IL1RAPL2: variants seen among roughly 807,000 people sequenced by gnomAD.
The protein encoded by IL1RAPL2 is interleukin 1 receptor accessory protein like 2.
Under a neutral mutation model 44.1 loss-of-function variants are expected in IL1RAPL2, and 3 were observed. The ratio of observed to expected loss-of-function variants is 0.07; its 90% CI spans 0.03 to 0.18. The LOEUF (loss-of-function observed/expected upper bound fraction) is 0.18. Among genes scored for constraint, IL1RAPL2 ranks in the 10% least tolerant of loss-of-function variants. IL1RAPL2 has a pLI of 1.00. For missense variants in IL1RAPL2, 391 were observed against 496.4 expected (o/e 0.79, Z 2.02); for synonymous variants, 181 against 178.8 (o/e 1.01, Z -0.10).
intron 2 of IL1RAPL2, among the ~76,000 whole-genome samples, chrX:105,090,839 G>A (rs968822399): frequency 1.8e-5 from 2 of 111,420 alleles, no homozygotes; most frequent in African/African-American, 3.3e-5. Flanking sequence ...TACACTCTGG[G>A]GTCTTATTGG....
intron 2 of IL1RAPL2, among the ~76,000 whole-genome samples, chrX:104,779,188 TG>T (rs1222353023): frequency 8.9e-6 from 1 of 112,278 alleles, no homozygotes; most frequent in Admixed American, 9.4e-5. Flanking sequence ...TAGATAGAAA[TG>T]TGTTTTTTGA....
chrX:105,299,296 G>C (rs1310076488), intron 5 of IL1RAPL2, among the ~76,000 whole-genome samples: 2 of 111,801 alleles, frequency 1.8e-5, no homozygotes, highest in Admixed American at 9.5e-5. Flanking sequence ...GATGCACACA[G>C]CAAGTCAGTA....
At chrX:105,569,879 A>G (rs917366539) in intron 6 of IL1RAPL2, among the ~76,000 whole-genome samples, 4 of 111,690 alleles carry the variant, frequency 3.6e-5, no homozygotes, top group Admixed American at 1.9e-4. Flanking sequence ...GCACAGCCAC[A>G]TTAGTAATAC....
intron 1 of IL1RAPL2, among the ~76,000 whole-genome samples, chrX:104,613,922 G>C (rs1386623065): frequency 1.9e-5 from 2 of 108,061 alleles, no homozygotes; most frequent in Admixed American, 1.0e-4. Flanking sequence ...AATCTTGGGA[G>C]AGTGTGTGTT....
chrX:105,338,101 T>G (rs775186555), intron 5 of IL1RAPL2, among the ~76,000 whole-genome samples: 5 of 112,209 alleles, frequency 4.5e-5, no homozygotes, highest in Non-Finnish European at 9.4e-5. Context: ...TGCCTTCCTA[T>G]TATTTGCTTC....
At chrX:105,652,371 C>A (rs2037647596) in intron 6 of IL1RAPL2, among the ~76,000 whole-genome samples, 1 of 111,613 alleles carries the variant, frequency 9.0e-6, no homozygotes, top group African/African-American at 3.2e-5. Context: ...TCTTTTCTAA[C>A]TAAACTGTTC....
intron 2 of IL1RAPL2, among the ~76,000 whole-genome samples, chrX:105,193,077 C>T (rs1334566596): frequency 2.7e-5 from 3 of 112,067 alleles, no homozygotes; most frequent in African/African-American, 6.5e-5. Flanking sequence ...ACCTTCAGTA[C>T]TTACCATGTC....
intron 2 of IL1RAPL2, among the ~76,000 whole-genome samples, chrX:105,078,473 G>A (rs192391798): frequency 8.9e-6 from 1 of 111,914 alleles, no homozygotes; most frequent in Non-Finnish European, 1.9e-5. Flanking sequence ...TAGGCTACTC[G>A]GGGGTCAGGG....
intron 6 of IL1RAPL2, among the ~76,000 whole-genome samples, chrX:105,632,116 C>T (rs190131503): frequency 9.1e-6 from 1 of 109,730 alleles, no homozygotes; most frequent in East Asian, 2.9e-4. Flanking sequence ...TGGCTTAACT[C>T]GGCTGACAGC....
intron 2 of IL1RAPL2, among the ~76,000 whole-genome samples, chrX:105,041,525 T>G (rs1039647988): frequency 9.1e-6 from 1 of 110,031 alleles, no homozygotes; most frequent in Non-Finnish European, 1.9e-5. Flanking sequence ...CCAAGGGACG[T>G]GAAGGACCTC....
intron 2 of IL1RAPL2, among the ~76,000 whole-genome samples, chrX:105,060,515 G>A (rs985891745): frequency 6.4e-5 from 7 of 108,530 alleles, no homozygotes; most frequent in Non-Finnish European, 1.3e-4. Flanking sequence ...GTATTTTGTT[G>A]AGAATTTTGC....
intron 2 of IL1RAPL2, among the ~76,000 whole-genome samples, chrX:105,036,626 G>A (rs1347997894): frequency 8.9e-6 from 1 of 112,081 alleles, no homozygotes; most frequent in Admixed American, 9.5e-5. Flanking sequence ...TTTTAGAGAA[G>A]ACTTGCTTGT....
chrX:104,673,889 GCTCT>G lies in IL1RAPL2; in HGVS notation c.82+14897_82+14900del, dbSNP rs1161475457. Among the ~76,000 whole-genome samples, 4 of 109,235 alleles carry G rather than the reference GCTCT, an allele frequency of 3.7e-5. No homozygotes were observed. The Admixed American group carries it at 3.9e-4, about 11-fold the overall frequency. 94.9% of individuals were successfully genotyped at this position (109,235 alleles called of 115,157 possible). A position where few individuals can be genotyped will look rare whatever the true frequency, so the allele number is the denominator to read the frequency against. ...TGAATGGGAGTTCACTCATGATTTG[GCTCT>G]CTGTTTGTCTGTTATTGGTGTATAA... On this transcript the variant is annotated intron_variant, in intron 2 of 10. Transcript: ENST00000372582.
intron 2 of IL1RAPL2, among the ~76,000 whole-genome samples, chrX:105,022,864 T>C (rs999776395): frequency 2.7e-5 from 3 of 110,074 alleles, no homozygotes; most frequent in Non-Finnish European, 5.7e-5. Context: ...CCAAAACCTG[T>C]GAAATGCCTT....
chrX:105,177,081 A>G (rs1228455543), intron 2 of IL1RAPL2, among the ~76,000 whole-genome samples: 1 of 110,801 alleles, frequency 9.0e-6, no homozygotes. Flanking sequence ...GTGTCCTGCT[A>G]GGAACCAGGC....
intron 5 of IL1RAPL2, among the ~76,000 whole-genome samples, chrX:105,382,327 C>G (rs1021308032): frequency 1.9e-5 from 2 of 107,989 alleles, no homozygotes; most frequent in African/African-American, 7.2e-5. Flanking sequence ...ACAGACACTT[C>G]TCAAAAGAAG....
At chrX:105,531,906 A>G (rs1385710281) in intron 6 of IL1RAPL2, among the ~76,000 whole-genome samples, 1 of 111,622 alleles carries the variant, frequency 9.0e-6, no homozygotes, top group East Asian at 2.8e-4. Context: ...ATTCTGTTCC[A>G]TTGGACAATG....
intron 5 of IL1RAPL2, among the ~76,000 whole-genome samples, chrX:105,363,742 CTTCTT>C (rs1297165787): frequency 2.7e-5 from 3 of 110,425 alleles, no homozygotes; most frequent in Non-Finnish European, 5.7e-5. Context: ...ATTCATATCT[CTTCTT>C]TTAAGAAATA....
intron 8 of IL1RAPL2, among the ~76,000 whole-genome samples, chrX:105,747,480 C>CTCTG (rs1569471357): frequency 8.6e-5 from 6 of 70,108 alleles, no homozygotes; most frequent in African/African-American, 3.2e-4. Flanking sequence ...CTCTCTCTCT[C>CTCTG]TGTGTGTGTG....
Sources: gnomAD v4.1 joint callset for allele counts (sites outside exome capture counted in the v4.1 genomes callset) on GRCh38, gnomAD v4.1.1 for gene constraint, MANE v1.5 for transcripts, NCBI Gene and HGNC (gene_info 2026-07-23, HGNC 2026-07-21) for gene names.